Variants in RAVER1 observed in about 807,000 individuals in gnomAD.
RAVER1 encodes ribonucleoprotein, PTB binding 1.
In RAVER1, 36 loss-of-function variants were observed where a neutral mutation model predicts 68.4. That is an observed-to-expected ratio of 0.53 (90% CI 0.40 to 0.70). The LOEUF (loss-of-function observed/expected upper bound fraction) is 0.70, where lower values mean the gene tolerates loss of function less well. RAVER1 is among the 30% of genes least tolerant of loss of function. RAVER1 has a pLI of 0.00. For synonymous variants in RAVER1, 469 were observed against 472.7 expected (o/e 0.99, Z 0.10); for missense variants, 933 against 1,019.8 (o/e 0.91, Z 1.16).
Position 10,316,530 on chromosome 19 carries a change from C to T in RAVER1, c.*924G>A. 1.0e-6 allele frequency: 1 copy of T among 988,556 alleles called. No homozygotes were observed. Among genetic ancestry groups the T allele is most frequent in the East Asian group, 1.1e-4 (1 of 8,922 alleles). The allele number at this position is 988,556 out of a possible 1,614,324, so 61.2% of individuals were successfully genotyped here. On this transcript the variant is annotated 3_prime_UTR_variant, in exon 13 of 13. Coordinates refer to ENST00000617231, the MANE Select transcript of RAVER1 (RefSeq NM_133452.3). ...TTCATCTTCAACAAGCGAGTGACAG[C>T]AGAGGCTCCGGGAGATGGGCACAAT...
chr19:10,328,406 C>T lies in RAVER1; in HGVS notation c.756+236G>A, dbSNP rs780313278. On this transcript the variant is annotated intron_variant, in intron 3 of 12. Coordinates refer to ENST00000617231, the MANE Select transcript of RAVER1 (RefSeq NM_133452.3). The surrounding 1 kb of genome is among the most constrained non-coding windows in gnomAD (Gnocchi z 4.4). ...TCTCTACTAAAAATATAAAAATTAT[C>T]CAGGCATGGGGGCGGGGCGCCTATA... 6.6e-6 allele frequency among the ~76,000 whole-genome samples: 1 copy of T among 152,154 alleles called. No homozygotes were observed. The highest frequency in any genetic ancestry group is 2.1e-4 in the South Asian group (1 of 4,828).
chr19:10,321,397 G>T, intron 7 of RAVER1, 134 bp downstream of exon 7: 1 of 839,948 alleles, frequency 1.2e-6, no homozygotes, highest in Non-Finnish European at 1.6e-6. Context: ...TCATCCCTGG[G>T]CCCTGAGTGG....
rs977097736 is a variant in RAVER1 at position 10,328,236 on chromosome 19, T to C, written c.756+406A>G. On this transcript the variant is annotated intron_variant, in intron 3 of 12. Coordinates refer to ENST00000617231, the MANE Select transcript of RAVER1 (RefSeq NM_133452.3). The surrounding 1 kb of genome is among the most constrained non-coding windows in gnomAD (Gnocchi z 4.4). ...CAAGAGTGGCCTTGCATGCATCTGA[T>C]AGAGGGACAGTGAGGCCTGAGGCTG... Among the ~76,000 whole-genome samples, 3 of 152,042 alleles carry C rather than the reference T, an allele frequency of 2.0e-5. No individual in the cohort carries two copies. Among genetic ancestry groups the C allele is most frequent in the Non-Finnish European group, 2.9e-5 (2 of 68,006 alleles).
rs1437920511 is a variant in RAVER1 at position 10,320,299 on chromosome 19, T to A, written c.1770+356A>T. 2.6e-5 allele frequency among the ~76,000 whole-genome samples: 4 copies of A among 151,132 alleles called. No homozygotes were observed. In the East Asian group the frequency reaches 5.9e-4, roughly 22 times the overall value. ...CGGGTGGCTCACTTGAGGTCAGGAG[T>A]TTGAGACCAGCCTGGACAACACAAT... is the stretch of plus-strand genomic sequence containing the variant. On this transcript the variant is annotated intron_variant, in intron 9 of 12. Transcript: ENST00000617231.
chr19:10,318,794 C>T (rs943887801), intron 10 of RAVER1, among the ~76,000 whole-genome samples: 1 of 152,244 alleles, frequency 6.6e-6, no homozygotes, highest in Non-Finnish European at 1.5e-5. Context: ...ACTGTTCCAG[C>T]CTGTGGACGC....
At chr19:10,319,888 C>A (rs963189990) in intron 9 of RAVER1, among the ~76,000 whole-genome samples, 1 of 151,716 alleles carries the variant, frequency 6.6e-6, no homozygotes, top group East Asian at 1.9e-4. Flanking sequence ...GATCTGCCCG[C>A]CTCGGCCTCC....
At chr19:10,332,578 C>A (rs10410977) in intron 1 of RAVER1, among the ~76,000 whole-genome samples, 4,422 of 152,306 alleles carry the variant, frequency 0.029, 206 homozygotes, top group African/African-American at 0.1. Context: ...CCTATTTCAC[C>A]GCCATAGGGC....
chr19:10,321,467 G>T, intron 7 of RAVER1, 64 bp downstream of exon 7: 1 of 1,283,724 alleles, frequency 7.8e-7, no homozygotes, highest in Non-Finnish European at 1.0e-6. Context: ...CTCACCCGAG[G>T]CCACGTAGCA....
intron 2 of RAVER1, 65 bp downstream of exon 2, chr19:10,330,395 G>A: frequency 1.3e-6 from 1 of 785,624 alleles, no homozygotes; most frequent in Non-Finnish European, 2.2e-6. Flanking sequence ...CAGACAGTGA[G>A]CCAGGCCCTC....
chr19:10,316,269 CTG>C lies in RAVER1; in HGVS notation c.*1183_*1184del. ...TTCAGCAAAGGTCCGTGTGGGGAGA[CTG>C]GGGTGGGGTCGGGGGAATAGTCCCC... On this transcript the variant is annotated 3_prime_UTR_variant, in exon 13 of 13. Transcript: ENST00000617231. 1 of 1,293,034 alleles carries C rather than the reference CTG, an allele frequency of 7.7e-7. No homozygotes were observed. 80.1% of individuals were successfully genotyped at this position (1,293,034 alleles called of 1,614,324 possible).
At chr19:10,331,460 G>A (rs930342674) in intron 1 of RAVER1, among the ~76,000 whole-genome samples, 6 of 147,984 alleles carry the variant, frequency 4.1e-5, no homozygotes, top group Admixed American at 2.7e-4. Flanking sequence ...GGCTGAGGCA[G>A]GCGGGTCACA....
chr19:10,321,022 G>T, intron 8 of RAVER1, 26 bp downstream of exon 8: 1 of 1,464,758 alleles, frequency 6.8e-7, no homozygotes, highest in Non-Finnish European at 9.0e-7. Flanking sequence ...GGCTGGTGTG[G>T]TGCCGCGCGC....
rs947914464 is a variant in RAVER1, at chr19:10,321,198, G to A, written c.1323C>T (p.Ser441=). 1.8e-5 allele frequency: 23 copies of A among 1,281,334 alleles called. No individual in the cohort carries two copies. Among genetic ancestry groups the A allele is most frequent in the Non-Finnish European group, 2.3e-5 (23 of 1,010,944 alleles). 79.4% of individuals were successfully genotyped at this position (1,281,334 alleles called of 1,614,324 possible). The change falls in exon 8 of 13, where the codon TCC becomes TCT. Residue 441 remains serine, a synonymous_variant. Coordinates refer to ENST00000617231, the MANE Select transcript of RAVER1 (RefSeq NM_133452.3). ...RRGKPPPLLP[S]VLGPAGGDRE... is the part of the protein sequence containing the mutation. ...GGTCACCCCCAGCAGGGCCAAGCAC[G>A]GATGGCAGCAGGGGTGGTGGCTTCC...
rs1413537165 is a variant in RAVER1 at position 10,329,044 on chromosome 19, C to T, written c.354G>A (p.Leu118=). ...GCTGCACCGACAGTTCACGCTCCCGCAGGCGGCTCTGGTGGAAAGCATTGA... is the reference window on the plus strand; with the variant it reads ...GCTGCACCGACAGTTCACGCTCCCGTAGGCGGCTCTGGTGGAAAGCATTGA... The part of the protein sequence containing the change: ...AAINAFHQSR[L]RERELSVQLQ... The change falls in exon 3 of 13, where the codon CTG becomes CTA. Residue 118 remains leucine, a synonymous_variant. Coordinates refer to ENST00000617231, the MANE Select transcript of RAVER1 (RefSeq NM_133452.3). The surrounding 1 kb of genome is among the most constrained non-coding windows in gnomAD (Gnocchi z 4.6). The T allele has an allele frequency of 6.5e-7, 1 of 1,538,550 alleles. No homozygotes were observed. The highest frequency in any genetic ancestry group is 8.8e-7 in the Non-Finnish European group (1 of 1,140,744).
rs766915960 is a variant in RAVER1 at position 10,323,557 on chromosome 19, C to T, written c.766G>A (p.Gly256Ser). The part of the protein sequence containing the change: ...HSPTFCQLAC[G>S]QDGQLKGFAV... ...AAGCCCTTCAGCTGCCCATCCTGGC[C>T]GCACGCCAGCTGCCGGAGGAAGGCA... Residue 256 changes from glycine to serine, a missense_variant, in exon 4 of 13, where the codon GGC becomes AGC. Coordinates refer to ENST00000617231, the MANE Select transcript of RAVER1 (RefSeq NM_133452.3). The surrounding 1 kb of genome is among the most constrained non-coding windows in gnomAD (Gnocchi z 6.2). The T allele has an allele frequency of 6.9e-6, 11 of 1,584,460 alleles. No individual in the cohort carries two copies. Among genetic ancestry groups the T allele is most frequent in the African/African-American group, 4.0e-5 (3 of 74,398 alleles).
At chr19:10,318,156 G>A in intron 11 of RAVER1, 73 bp downstream of exon 11, 1 of 1,370,576 alleles carries the variant, frequency 7.3e-7, no homozygotes, top group South Asian at 1.4e-5. Context: ...GAGGGTTACA[G>A]AGCCCCGGTG....
At chr19:10,324,415 G>A (rs1021478548) in intron 3 of RAVER1, among the ~76,000 whole-genome samples, 3 of 152,058 alleles carry the variant, frequency 2.0e-5, no homozygotes, top group African/African-American at 7.2e-5. Flanking sequence ...ACAGAGTCTT[G>A]CTCTGTCACC....
intron 9 of RAVER1, among the ~76,000 whole-genome samples, chr19:10,320,280 G>C (rs942903355): frequency 1.3e-5 from 2 of 151,942 alleles, no homozygotes; most frequent in African/African-American, 4.8e-5. Context: ...GAGGCGGGTG[G>C]CTCACTTGAG....
At chr19:10,327,712 G>A (rs2040484858) in intron 3 of RAVER1, among the ~76,000 whole-genome samples, 1 of 152,190 alleles carries the variant, frequency 6.6e-6, no homozygotes, top group African/African-American at 2.4e-5. Context: ...ACCTGAAAAT[G>A]GGAGTGATAC....
Sources: gnomAD v4.1 joint callset for allele counts (sites outside exome capture counted in the v4.1 genomes callset) on GRCh38, gnomAD v4.1.1 for gene constraint, Gnocchi (gnomAD v3.1) non-coding constraint, MANE v1.5 for transcripts, NCBI Gene and HGNC (gene_info 2026-07-23, HGNC 2026-07-21) for gene names.